The following RBFOX3 variants were observed in gnomAD, a reference collection of about 807,000 sequenced individuals.
The protein encoded by RBFOX3 is RNA binding fox-1 homolog 3, also known as RNA binding protein fox-1 homolog 3.
Under a neutral mutation model 48.7 loss-of-function variants are expected in RBFOX3, and 17 were observed. That is an observed-to-expected ratio of 0.35 (90% CI 0.24 to 0.52). The LOEUF is 0.52. RBFOX3 is among the 20% of genes least tolerant of loss of function. The pLI, the probability that RBFOX3 is intolerant of heterozygous loss-of-function variation, is 0.94. For missense variants in RBFOX3, 382 were observed against 497.5 expected, an observed-to-expected ratio of 0.77 and a Z score of 2.21; for synonymous variants, 212 against 209.5, an observed-to-expected ratio of 1.01 and a Z score of -0.10.
chr17:79,415,153 G>A (rs950839646), intron 2 of RBFOX3, among the ~76,000 whole-genome samples: 11 of 152,182 alleles, frequency 7.2e-5, no homozygotes, highest in South Asian at 6.2e-4. Context: ...CAATCTGCCC[G>A]GTGCCACCTA....
intron 2 of RBFOX3, among the ~76,000 whole-genome samples, chr17:79,360,500 G>A (rs1399579850): frequency 6.6e-6 from 1 of 152,230 alleles, no homozygotes; most frequent in East Asian, 1.9e-4. Context: ...GACGTGAACA[G>A]TTTTCTTGAC....
At chr17:79,175,793 G>A (rs1236635034) in intron 4 of RBFOX3, among the ~76,000 whole-genome samples, 1 of 152,252 alleles carries the variant, frequency 6.6e-6, no homozygotes, top group Non-Finnish European at 1.5e-5. Context: ...CAGCAGGTCC[G>A]AGCTGCGGGG....
rs2065327426 is a variant in RBFOX3, at chr17:79,416,211, T to TC, written c.-175+66242dup. On this transcript the variant is annotated intron_variant, in intron 2 of 14. Coordinates refer to ENST00000693108, the MANE Select transcript of RBFOX3 (RefSeq NM_001350451.2). The stretch of plus-strand genomic sequence containing the variant: ...GAGGGCCAAAGGACAGCTGGAATCC[T>TC]CCCCGGGAGCAGCTGGAATCACCTG... 2.0e-5 allele frequency among the ~76,000 whole-genome samples: 3 copies of TC among 152,282 alleles called. No individual in the cohort carries two copies. The South Asian group carries it at 6.2e-4, about 32-fold the overall frequency.
intron 2 of RBFOX3, among the ~76,000 whole-genome samples, chr17:79,333,029 G>A (rs1457607655): frequency 1.3e-5 from 2 of 151,156 alleles, no homozygotes; most frequent in African/African-American, 4.9e-5. Flanking sequence ...ATGGGGTGGG[G>A]GAGAGACATA....
intron 3 of RBFOX3, among the ~76,000 whole-genome samples, chr17:79,266,527 G>A (rs2066737401): frequency 1.3e-5 from 2 of 152,136 alleles, no homozygotes; most frequent in South Asian, 4.1e-4. Flanking sequence ...TACTGGGCCG[G>A]GTTCCCAACG....
intron 4 of RBFOX3, among the ~76,000 whole-genome samples, chr17:79,200,516 G>A (rs545935495): frequency 6.7e-4 from 102 of 152,316 alleles, no homozygotes; most frequent in Middle Eastern, 3.4e-3. Flanking sequence ...CAGAGGTGCC[G>A]CCGGAGGGAC....
Position 79,361,910 on chromosome 17 carries a change from A to G in RBFOX3, c.-174-54086T>C, listed in dbSNP as rs191944005. On this transcript the variant is annotated intron_variant, in intron 2 of 14. Transcript: ENST00000693108. This position sits in a 1 kb window ranked among gnomAD's most constrained non-coding sequence, Gnocchi z 4.5. ...TTTGTTCATTAAAACTTCAATAAAA[A>G]TGTTATAAAAATGTCTTATTTTGGT... Among the ~76,000 whole-genome samples, 383 of 152,374 alleles carry G rather than the reference A, an allele frequency of 2.5e-3. No individual in the cohort carries two copies. Among genetic ancestry groups the G allele is most frequent in the Non-Finnish European group, 4.2e-3 (288 of 68,038 alleles).
At chr17:79,329,551 T>C (rs2079892516) in intron 2 of RBFOX3, among the ~76,000 whole-genome samples, 1 of 152,110 alleles carries the variant, frequency 6.6e-6, no homozygotes, top group African/African-American at 2.4e-5. Flanking sequence ...CCTGAAATTA[T>C]TCCACACCGT....
chr17:79,236,088 T>C (rs2061598829), intron 3 of RBFOX3, among the ~76,000 whole-genome samples: 1 of 152,216 alleles, frequency 6.6e-6, no homozygotes, highest in African/African-American at 2.4e-5. Context: ...TCTGCGACTC[T>C]GGATGTTCCT....
intron 3 of RBFOX3, among the ~76,000 whole-genome samples, chr17:79,292,584 G>GCACACACACA (rs937932598): frequency 2.1e-3 from 134 of 63,682 alleles, no homozygotes; most frequent in African/African-American, 8.7e-3. Context: ...ACACACACAT[G>GCACACACACA]CACACACACA....
intron 1 of RBFOX3, among the ~76,000 whole-genome samples, chr17:79,567,431 C>T (rs2092506700): frequency 6.6e-6 from 1 of 152,038 alleles, no homozygotes; most frequent in African/African-American, 2.4e-5. Context: ...GTGATCTGCC[C>T]GCCTTGGCCT....
intron 1 of RBFOX3, among the ~76,000 whole-genome samples, chr17:79,608,053 G>C (rs1002628745): frequency 0.01 from 1,594 of 152,284 alleles, 28 homozygotes; most frequent in African/African-American, 0.036. Context: ...GCCTGAGGGC[G>C]GCCGCCCGCA....
chr17:79,476,469 G>T (rs2077777175), intron 2 of RBFOX3, among the ~76,000 whole-genome samples: 1 of 152,230 alleles, frequency 6.6e-6, no homozygotes, highest in Admixed American at 6.5e-5. Flanking sequence ...GCCAAAAGCA[G>T]ATGGGACAAA....
At chr17:79,554,987 A>T (rs2091505699) in intron 1 of RBFOX3, among the ~76,000 whole-genome samples, 1 of 152,192 alleles carries the variant, frequency 6.6e-6, no homozygotes, top group Non-Finnish European at 1.5e-5. Context: ...AGCAAAGGAA[A>T]CCAGCCTGAG....
chr17:79,435,938 A>G (rs1482391387), intron 2 of RBFOX3, among the ~76,000 whole-genome samples: 2 of 152,230 alleles, frequency 1.3e-5, no homozygotes, highest in Non-Finnish European at 2.9e-5. Context: ...GTAAACCTAT[A>G]GTGACAACAG....
At chr17:79,313,782 G>T (rs764156021) in intron 2 of RBFOX3, among the ~76,000 whole-genome samples, 31 of 152,152 alleles carry the variant, frequency 2.0e-4, no homozygotes, top group Admixed American at 5.9e-4. Context: ...GCCTCGGGGT[G>T]GGGGGCCGCT....
At chr17:79,312,165 C>G (rs1457721282) in intron 2 of RBFOX3, among the ~76,000 whole-genome samples, 1 of 151,908 alleles carries the variant, frequency 6.6e-6, no homozygotes, top group Non-Finnish European at 1.5e-5. Context: ...GGGGCTGCAT[C>G]TCCAAAGCCT....
intron 3 of RBFOX3, among the ~76,000 whole-genome samples, chr17:79,248,408 T>C (rs2063474138): frequency 6.6e-6 from 1 of 152,074 alleles, no homozygotes; most frequent in African/African-American, 2.4e-5. Context: ...TTTGAAGTGA[T>C]TAAAAGCCAG....
chr17:79,560,874 A>G (rs2092168086), intron 1 of RBFOX3, among the ~76,000 whole-genome samples: 1 of 152,182 alleles, frequency 6.6e-6, no homozygotes, highest in East Asian at 1.9e-4. Context: ...GGGGGTAGGA[A>G]GGATGCTTGG....
Sources: gnomAD v4.1 joint callset for allele counts (sites outside exome capture counted in the v4.1 genomes callset) on GRCh38, gnomAD v4.1.1 for gene constraint, Gnocchi (gnomAD v3.1) non-coding constraint, MANE v1.5 for transcripts, NCBI Gene and HGNC (gene_info 2026-07-23, HGNC 2026-07-21) for gene names.